The following SYN3 variants were observed in gnomAD, a reference collection of about 807,000 sequenced individuals.
The protein encoded by SYN3 is synapsin-3.
Under a neutral mutation model 65.8 loss-of-function variants are expected in SYN3, and 35 were observed. That is an observed-to-expected ratio of 0.53 (90% CI 0.41 to 0.70). The LOEUF is 0.70. Ranked by LOEUF, SYN3 falls within the 30% of genes least tolerant of loss-of-function variation. The pLI is 0.00. For missense variants in SYN3, 680 were observed against 749.0 expected (o/e 0.91, Z 1.08); for synonymous variants, 270 against 292.9 (o/e 0.92, Z 0.80).
chr22:33,052,656 G>C (rs963118338), intron 1 of SYN3, among the ~76,000 whole-genome samples: 1 of 151,462 alleles, frequency 6.6e-6, no homozygotes, highest in Non-Finnish European at 1.5e-5. Context: ...CTCCAGCTCT[G>C]CTCCTCAAAT....
Position 32,529,059 on chromosome 22 carries a change from G to T in SYN3, c.1096-51C>A, listed in dbSNP as rs370157464. ...GGACCCCCATGCCAGGAGAGATGGC[G>T]GTTGGGCATCACATCCCAGAAGTGG... is the stretch of plus-strand genomic sequence containing the variant. On this transcript the variant is annotated intron_variant, in intron 10 of 13. Coordinates refer to ENST00000358763, the MANE Select transcript of SYN3 (RefSeq NM_003490.4). 83 of 1,610,370 alleles carry T rather than the reference G, an allele frequency of 5.2e-5. No individual in the cohort carries two copies. The South Asian group carries it at 8.5e-4, about 16-fold the overall frequency.
intron 7 of SYN3, among the ~76,000 whole-genome samples, chr22:32,586,069 T>C (rs1601698517): frequency 7.5e-6 from 1 of 133,872 alleles, no homozygotes; most frequent in South Asian, 2.5e-4. Flanking sequence ...TGTATATATG[T>C]ATACATGTAT....
chr22:32,667,837 G>T (rs1311627121), intron 6 of SYN3, among the ~76,000 whole-genome samples: 1 of 127,624 alleles, frequency 7.8e-6, no homozygotes, highest in South Asian at 2.9e-4. Context: ...TCGCTCTGTC[G>T]CCCAGGCTGG....
intron 6 of SYN3, among the ~76,000 whole-genome samples, chr22:32,706,933 T>C (rs2060889029): frequency 6.6e-6 from 1 of 152,162 alleles, no homozygotes; most frequent in African/African-American, 2.4e-5. Context: ...GACATTTCTC[T>C]CTGCCTGCCC....
chr22:32,989,909 G>A (rs1471469294), intron 2 of SYN3, among the ~76,000 whole-genome samples: 1 of 149,398 alleles, frequency 6.7e-6, no homozygotes, highest in African/African-American at 2.5e-5. Context: ...ACAGCACTAT[G>A]TCACCCTCAT....
At chr22:32,579,160 AT>A (rs2058898852) in intron 7 of SYN3, among the ~76,000 whole-genome samples, 1 of 152,368 alleles carries the variant, frequency 6.6e-6, no homozygotes, top group Non-Finnish European at 1.5e-5. Context: ...ACAAATGTTC[AT>A]GAAATGTTTG....
chr22:32,857,377 G>T (rs1390028646), intron 6 of SYN3: 5 of 1,599,854 alleles, frequency 3.1e-6, no homozygotes, highest in Non-Finnish European at 4.3e-6. Flanking sequence ...GCCAACTCTA[G>T]CTTCTAGGCC....
At chr22:32,880,862 G>GA (rs1355722335) in intron 4 of SYN3, among the ~76,000 whole-genome samples, 3 of 152,234 alleles carry the variant, frequency 2.0e-5, no homozygotes, top group African/African-American at 7.2e-5. Flanking sequence ...TGTCTGAAAT[G>GA]CCTGTTTCCC....
chr22:32,810,261 A>G (rs2046881262), intron 6 of SYN3, among the ~76,000 whole-genome samples: 1 of 152,186 alleles, frequency 6.6e-6, no homozygotes, highest in African/African-American at 2.4e-5. Flanking sequence ...TTTAGAGGCC[A>G]TCTGTGTGGC....
At chr22:32,703,678 T>C (rs950740416) in intron 6 of SYN3, among the ~76,000 whole-genome samples, 1 of 151,548 alleles carries the variant, frequency 6.6e-6, no homozygotes, top group African/African-American at 2.4e-5. Context: ...TTGCCTATGT[T>C]CTAAGTCTCA....
intron 6 of SYN3, among the ~76,000 whole-genome samples, chr22:32,845,559 A>G (rs1256379998): frequency 3.9e-5 from 6 of 152,044 alleles, no homozygotes; most frequent in African/African-American, 7.2e-5. Context: ...TAGGACTTCT[A>G]TTTCTTGTTG....
intron 3 of SYN3, among the ~76,000 whole-genome samples, chr22:32,950,462 C>T (rs2051256006): frequency 6.6e-6 from 1 of 152,114 alleles, no homozygotes; most frequent in Non-Finnish European, 1.5e-5. Context: ...CTCTTTCCTG[C>T]TTTTTAAGTC....
chr22:32,709,811 A>G (rs1426811930), intron 6 of SYN3, among the ~76,000 whole-genome samples: 3 of 151,986 alleles, frequency 2.0e-5, no homozygotes. Context: ...AGACTGTCTC[A>G]TGGAGAAGTT....
intron 6 of SYN3, among the ~76,000 whole-genome samples, chr22:32,707,476 A>C (rs1396622742): frequency 2.0e-5 from 3 of 152,200 alleles, no homozygotes. Context: ...CTGTGAAAAC[A>C]CATTAGGTGC....
intron 6 of SYN3, among the ~76,000 whole-genome samples, chr22:32,762,309 A>G (rs925472163): frequency 2.6e-5 from 4 of 151,564 alleles, no homozygotes; most frequent in African/African-American, 9.7e-5. Context: ...CCCCGTCCAT[A>G]CATCCTTCCT....
At chr22:32,594,004 G>A (rs2858724) in intron 7 of SYN3, among the ~76,000 whole-genome samples, 1,712 of 152,228 alleles carry the variant, frequency 0.011, 34 homozygotes, top group African/African-American at 0.04. Flanking sequence ...ATGATAGAGA[G>A]AGGTGGATTC....
chr22:32,692,986 A>G (rs1350423395), intron 6 of SYN3, among the ~76,000 whole-genome samples: 1 of 152,112 alleles, frequency 6.6e-6, no homozygotes, highest in Non-Finnish European at 1.5e-5. Flanking sequence ...ATACATAAGG[A>G]CGGCTGGATG....
intron 4 of SYN3, among the ~76,000 whole-genome samples, chr22:32,869,716 G>T (rs567388056): frequency 1.1e-3 from 117 of 109,490 alleles, no homozygotes; most frequent in African/African-American, 3.6e-3. Context: ...TTTTTTTCAA[G>T]TAGCAACCTC....
intron 2 of SYN3, among the ~76,000 whole-genome samples, chr22:32,989,856 G>A (rs241723): frequency 2.1e-5 from 3 of 142,394 alleles, no homozygotes; most frequent in Non-Finnish European, 3.0e-5. Context: ...AAAAAAAAAG[G>A]CATCAAACAC....
Sources: allele counts gnomAD v4.1 joint callset (sites outside exome capture counted in the v4.1 genomes callset), GRCh38; gene constraint gnomAD v4.1.1; transcripts MANE v1.5; gene names NCBI Gene and HGNC (gene_info 2026-07-23, HGNC 2026-07-21).